ARHGDIG: variants seen among roughly 807,000 people sequenced by gnomAD.
The protein encoded by ARHGDIG is Rho GDP dissociation inhibitor gamma, also known as rho GDP-dissociation inhibitor 3.
ARHGDIG carries 14 observed loss-of-function variants against 20.2 expected under a neutral mutation model. The observed-to-expected ratio is 0.69, with a 90% CI of 0.46 to 1.08. ARHGDIG has a LOEUF of 1.08. Among genes scored for constraint, ARHGDIG ranks in the 50% least tolerant of loss-of-function variants. ARHGDIG has a pLI of 0.00. For synonymous variants in ARHGDIG, 193 were observed against 138.6 expected (o/e 1.39, Z -2.76); for missense variants, 311 against 301.8 (o/e 1.03, Z -0.23).
chr16:282,090 G>A lies in ARHGDIG; in HGVS notation c.319G>A (p.Val107Ile), dbSNP rs565538630. 20 of 1,612,884 alleles carry A rather than the reference G, an allele frequency of 1.2e-5. No individual in the cohort carries two copies. Among genetic ancestry groups the A allele is most frequent in the Middle Eastern group, 1.7e-4 (1 of 6,056 alleles). Reference sequence around the variant, plus strand: ...CCTGTCGGAACAGGCTCCGGGGCCCGTCGTCATGGATCTCACAGGTAACTC... The same window carrying A: ...CCTGTCGGAACAGGCTCCGGGGCCCATCGTCATGGATCTCACAGGTAACTC... ...TLLSEQAPGP[V>I]VMDLTGDLAV... Residue 107 changes from valine to isoleucine, a missense_variant, in exon 3 of 6, where the codon GTC becomes ATC. Coordinates refer to ENST00000219409, the MANE Select transcript of ARHGDIG (RefSeq NM_001176.4).
rs1179379454 is a variant in ARHGDIG, at chr16:282,755, A to C, written c.619A>C (p.Arg207=). The change falls in exon 6 of 6, where the codon AGG becomes CGG. Residue 207 remains arginine (R), a synonymous_variant. Coordinates refer to ENST00000219409, the MANE Select transcript of ARHGDIG (RefSeq NM_001176.4). The stretch of plus-strand genomic sequence containing the variant: ...GGTGTCCCTCTTCACCGACGATGAC[A>C]GGACGCACCACCTGTCCTGGGAGTG... ...LVVSLFTDDD[R]THHLSWEWGL... is the part of the protein sequence containing the mutation. 1 of 1,609,224 alleles carries C rather than the reference A, an allele frequency of 6.2e-7. No homozygotes were observed. The highest frequency in any genetic ancestry group is 8.5e-7 in the Non-Finnish European group (1 of 1,178,494).
rs549653194 is a variant in ARHGDIG at position 281,584 on chromosome 16, G to T, written c.74-162G>T. 56 of 853,302 alleles carry T rather than the reference G, an allele frequency of 6.6e-5. No individual in the cohort carries two copies. In the African/African-American group the frequency reaches 9.2e-4, roughly 14 times the overall value. The allele number at this position is 853,302 out of a possible 1,614,324, so 52.9% of individuals were successfully genotyped here. On this transcript the variant is annotated intron_variant, in intron 1 of 5. Coordinates refer to ENST00000219409, the MANE Select transcript of ARHGDIG (RefSeq NM_001176.4). ...TGGGTGCGGTGCGGCACCTCCCCAG[G>T]CCGCCCTGCTCTCTCTGCTCGCTCT...
In ARHGDIG at chr16:280,720, C is replaced by T; in HGVS notation, c.40C>T (p.Leu14=). Residue 14 remains leucine, a synonymous_variant, in exon 1 of 6, where the codon CTG becomes TTG. Transcript: ENST00000219409. This position sits in a 1 kb window ranked among gnomAD's most constrained non-coding sequence, Gnocchi z 6.6. ...LDACELGAQL[L]ELLRLALCAR... is the part of the protein sequence containing the mutation. ...CGCGTGCGAGCTGGGGGCGCAGCTG[C>T]TGGAGCTGCTCCGGCTGGCGCTGTG... The T allele has an allele frequency of 7.8e-7, 1 of 1,287,578 alleles. No individual in the cohort carries two copies. Among genetic ancestry groups the T allele is most frequent in the Non-Finnish European group, 9.9e-7 (1 of 1,013,048 alleles). The allele number at this position is 1,287,578 out of a possible 1,614,324, so 79.8% of individuals were successfully genotyped here. A position where few individuals can be genotyped will look rare whatever the true frequency, so the allele number is the denominator to read the frequency against.
Position 281,642 on chromosome 16 carries a change from C to T in ARHGDIG, c.74-104C>T, listed in dbSNP as rs1596935505. On this transcript the variant is annotated intron_variant, in intron 1 of 5. Transcript: ENST00000219409. ...AGCCCCCAGAGGCTTCCCTTGAGTC[C>T]CTTTGGATAGTGGGAGGTACAGCTG... 6.0e-6 allele frequency: 8 copies of T among 1,324,400 alleles called. No individual in the cohort carries two copies. In the East Asian group the frequency reaches 1.5e-4, roughly 25 times the overall value. 82.0% of individuals were successfully genotyped at this position (1,324,400 alleles called of 1,614,324 possible). A position where few individuals can be genotyped will look rare whatever the true frequency, so the allele number is the denominator to read the frequency against.
chr16:280,839 C>A lies in ARHGDIG; in HGVS notation c.73+86C>A. 1 of 905,104 alleles carries A rather than the reference C, an allele frequency of 1.1e-6. No individual in the cohort carries two copies. The highest frequency in any genetic ancestry group is 1.4e-6 in the Non-Finnish European group (1 of 718,260). The allele number at this position is 905,104 out of a possible 1,614,324, so 56.1% of individuals were successfully genotyped here. A position where few individuals can be genotyped will look rare whatever the true frequency, so the allele number is the denominator to read the frequency against. ...CCCTCCCCCGCGGCAACTTTGGGGGCGCGCATGGGGACCTCGCGGCGCCGA... is the reference window on the plus strand; with the variant it reads ...CCCTCCCCCGCGGCAACTTTGGGGGAGCGCATGGGGACCTCGCGGCGCCGA... On this transcript the variant is annotated intron_variant, in intron 1 of 5. Coordinates refer to ENST00000219409, the MANE Select transcript of ARHGDIG (RefSeq NM_001176.4). This position sits in a 1 kb window ranked among gnomAD's most constrained non-coding sequence, Gnocchi z 6.6.
Position 282,022 on chromosome 16 carries a change from C to T in ARHGDIG, c.254-3C>T, listed in dbSNP as rs999044834. On this transcript the variant is annotated splice_polypyrimidine_tract_variant and splice_region_variant and intron_variant, in intron 2 of 5. Coordinates refer to ENST00000219409, the MANE Select transcript of ARHGDIG (RefSeq NM_001176.4). ...ATCCTGCAGACTTCCAGTTTCTCCT[C>T]AGACCCAAGCCTGCCCAATGTGCAG... 4 of 1,611,906 alleles carry T rather than the reference C, an allele frequency of 2.5e-6. No individual in the cohort carries two copies. The highest frequency in any genetic ancestry group is 3.4e-6 in the Non-Finnish European group (4 of 1,179,652).
At chr16:282,244 G>GCA in intron 3 of ARHGDIG, 53 bp from the exon 4 acceptor site, 1 of 1,610,676 alleles carries the variant, frequency 6.2e-7, no homozygotes, top group Non-Finnish European at 8.5e-7. Context: ...GGCTCCTGGA[G>GCA]CAGGTCTCAG....
intron 3 of ARHGDIG, 86 bp from the exon 4 acceptor site, chr16:282,211 A>G: frequency 6.2e-7 from 1 of 1,604,454 alleles, no homozygotes; most frequent in African/African-American, 1.3e-5. Flanking sequence ...CGCACACCTC[A>G]TGGGTACCAC....
At chr16:281,952 G>A in intron 2 of ARHGDIG, 27 bp downstream of exon 2, 1 of 1,598,586 alleles carries the variant, frequency 6.3e-7, no homozygotes, top group East Asian at 2.2e-5. Context: ...GGCTTGGAGG[G>A]CTGGGTCTGG....
At chr16:282,558 C>CGGGGGGGGGAAGGGGGGG (rs2052299023) in intron 5 of ARHGDIG, 28 bp downstream of exon 5, 5 of 1,313,262 alleles carry the variant, frequency 3.8e-6, no homozygotes, top group East Asian at 3.0e-5. Context: ...GGGAACGGGG[C>CGGGGGGGGGAAGGGGGGG]GGGGGGGGGA....
Position 282,791 on chromosome 16 carries a change from A to G in ARHGDIG, c.655A>G (p.Ile219Val), listed in dbSNP as rs777745726. 1 of 1,606,594 alleles carries G rather than the reference A, an allele frequency of 6.2e-7. No homozygotes were observed. The highest frequency in any genetic ancestry group is 1.1e-5 in the South Asian group (1 of 90,212). ...HHLSWEWGLCICQDWKD is the reference protein window; with the variant it reads ...HHLSWEWGLCVCQDWKD ...CCTGTCCTGGGAGTGGGGTCTCTGC[A>G]TCTGCCAGGACTGGAAGGACTGAAC... is the stretch of plus-strand genomic sequence containing the variant. The change falls in exon 6 of 6, where the codon ATC becomes GTC. Residue 219 changes from isoleucine to valine, a missense_variant. Physicochemically the swap from Ile to Val is conservative, Grantham distance 29. Coordinates refer to ENST00000219409, the MANE Select transcript of ARHGDIG (RefSeq NM_001176.4).
chr16:280,974 C>A lies in ARHGDIG; in HGVS notation c.73+221C>A. 1 of 234,828 alleles carries A rather than the reference C, an allele frequency of 4.3e-6. No homozygotes were observed. 14.5% of individuals were successfully genotyped at this position (234,828 alleles called of 1,614,324 possible). A position where few individuals can be genotyped will look rare whatever the true frequency, so the allele number is the denominator to read the frequency against. ...CTTGGGAAGCGGCGGCGCTGGGACC[C>A]TCTCCCCCTGGACACCGCCGCCTGG... On this transcript the variant is annotated intron_variant, in intron 1 of 5. Coordinates refer to ENST00000219409, the MANE Select transcript of ARHGDIG (RefSeq NM_001176.4). The surrounding 1 kb of genome is among the most constrained non-coding windows in gnomAD (Gnocchi z 6.6).
chr16:281,566 G>A (rs1024529673), intron 1 of ARHGDIG, 180 bp from the exon 2 acceptor site: 1 of 662,992 alleles, frequency 1.5e-6, no homozygotes, highest in African/African-American at 1.8e-5. Context: ...GTCTGGGTGC[G>A]GTGCGGCACC....
chr16:281,482 A>G (rs2052282385), intron 1 of ARHGDIG: 1 of 442,396 alleles, frequency 2.3e-6, no homozygotes, highest in Admixed American at 3.8e-5. Flanking sequence ...TCTCCGAGTC[A>G]GGGAGGGGGC....
Position 282,716 on chromosome 16 carries a change from G to C in ARHGDIG, c.580G>C (p.Gly194Arg). 6.2e-7 allele frequency: 1 copy of C among 1,604,650 alleles called. No homozygotes were observed. The highest frequency in any genetic ancestry group is 8.5e-7 in the Non-Finnish European group (1 of 1,175,890). ...AGCGCCGAGGGGTGCGCTGGTGCGGGGCCCCTATCTGGTGGTGTCCCTCTT... is the reference window on the plus strand; with the variant it reads ...AGCGCCGAGGGGTGCGCTGGTGCGGCGCCCCTATCTGGTGGTGTCCCTCTT... ...EEAPRGALVR[G>R]PYLVVSLFTD... The change falls in exon 6 of 6, where the codon GGC (glycine) becomes CGC (arginine). Residue 194 changes from glycine to arginine, a missense_variant. Gly to Arg is a moderately radical substitution (Grantham distance 125, BLOSUM62 -2). Transcript: ENST00000219409.
intron 5 of ARHGDIG, 24 bp from the exon 6 acceptor site, chr16:282,591 C>T (rs1484579837): frequency 1.9e-6 from 3 of 1,571,936 alleles, no homozygotes; most frequent in African/African-American, 2.7e-5. Context: ...CAGAGGACAG[C>T]TCTGATGCCC....
Position 280,898 on chromosome 16 carries a change from T to A in ARHGDIG, c.73+145T>A. 2.8e-6 allele frequency: 1 copy of A among 356,094 alleles called. No homozygotes were observed. The highest frequency in any genetic ancestry group is 4.5e-6 in the Non-Finnish European group (1 of 222,366). 22.1% of individuals were successfully genotyped at this position (356,094 alleles called of 1,614,324 possible). ...CTGGGGTCTGGCAGGGGTGGGGGACTTCATCCAGGCTCCAGCCCTGTGGGG... is the reference window on the plus strand; with the variant it reads ...CTGGGGTCTGGCAGGGGTGGGGGACATCATCCAGGCTCCAGCCCTGTGGGG... On this transcript the variant is annotated intron_variant, in intron 1 of 5. Coordinates refer to ENST00000219409, the MANE Select transcript of ARHGDIG (RefSeq NM_001176.4). The surrounding 1 kb of genome is among the most constrained non-coding windows in gnomAD (Gnocchi z 6.6).
chr16:280,654 TCCGCGGCGCC>T lies in ARHGDIG; in HGVS notation c.-25_-16del. On this transcript the variant is annotated 5_prime_UTR_variant, in exon 1 of 6. Coordinates refer to ENST00000219409, the MANE Select transcript of ARHGDIG (RefSeq NM_001176.4). This position sits in a 1 kb window ranked among gnomAD's most constrained non-coding sequence, Gnocchi z 6.6. ...GGGCGGGCGGCGGCTCCTCGGCGGC[TCCGCGGCGCC>T]CGGGCCGCGCGCCGCCATGCTGGGC... 1.2e-6 allele frequency: 1 copy of T among 840,596 alleles called. No individual in the cohort carries two copies. Among genetic ancestry groups the T allele is most frequent in the Non-Finnish European group, 1.3e-6 (1 of 762,360 alleles). The allele number at this position is 840,596 out of a possible 1,614,324, so 52.1% of individuals were successfully genotyped here. A position where few individuals can be genotyped will look rare whatever the true frequency, so the allele number is the denominator to read the frequency against.
At position 282,682 on chromosome 16, in the gene ARHGDIG, G is replaced by A. The variant is rs576133156; in HGVS notation, c.546G>A (p.Pro182=). 44 of 1,601,922 alleles carry A rather than the reference G, an allele frequency of 2.7e-5. No individual in the cohort carries two copies. Among genetic ancestry groups the A allele is most frequent in the Admixed American group, 5.1e-5 (3 of 59,216 alleles). ...CCCAGGAGTATGAGTTTGTGACTCCGGTGGAGGAAGCGCCGAGGGGTGCGC... is the reference window on the plus strand; with the variant it reads ...CCCAGGAGTATGAGTTTGTGACTCCAGTGGAGGAAGCGCCGAGGGGTGCGC... ...PSAQEYEFVT[P]VEEAPRGALV... is the part of the protein sequence containing the mutation. Residue 182 remains proline (P), a synonymous_variant, in exon 6 of 6, where the codon CCG becomes CCA. Coordinates refer to ENST00000219409, the MANE Select transcript of ARHGDIG (RefSeq NM_001176.4).
Sources: allele counts gnomAD v4.1 joint callset, GRCh38; gene constraint gnomAD v4.1.1; non-coding constraint Gnocchi (gnomAD v3.1); transcripts MANE v1.5; gene names NCBI Gene and HGNC (gene_info 2026-07-23, HGNC 2026-07-21).